Variants in PHF21A observed in about 807,000 individuals in gnomAD.
PHF21A encodes PHD finger protein 21A.
In PHF21A, 11 loss-of-function variants were observed where a neutral mutation model predicts 82.5. The ratio of observed to expected loss-of-function variants is 0.13; its 90% CI spans 0.08 to 0.22. The LOEUF (loss-of-function observed/expected upper bound fraction) is 0.22, where lower values mean the gene tolerates loss of function less well. PHF21A is among the 10% of genes least tolerant of loss of function. The probability of loss-of-function intolerance (pLI) is 1.00; values close to 1 mark genes in which losing one functional copy is unlikely to be tolerated. For missense variants in PHF21A, 579 were observed against 837.8 expected (o/e 0.69, Z 3.81); for synonymous variants, 297 against 302.8 (o/e 0.98, Z 0.20).
chr11:46,056,384 G>C (rs2096457237), intron 6 of PHF21A, among the ~76,000 whole-genome samples: 1 of 151,940 alleles, frequency 6.6e-6, no homozygotes, highest in Non-Finnish European at 1.5e-5. Context: ...ATTATGTCTG[G>C]GTTAAATATG....
At chr11:46,117,190 C>T (rs1256642158) in intron 1 of PHF21A, 2 of 152,112 alleles carry the variant, frequency 1.3e-5, no homozygotes, top group East Asian at 3.8e-4. Flanking sequence ...CAGTATTTTG[C>T]CTACAAAATA....
rs12289813 is a variant in PHF21A at position 45,958,283 on chromosome 11, A to G, written c.997-4658T>C. Among the ~76,000 whole-genome samples, 197 of 149,420 alleles carry G rather than the reference A, an allele frequency of 1.3e-3. 2 individuals are homozygous for G. Among genetic ancestry groups the G allele is most frequent in the African/African-American group, 4.7e-3 (190 of 40,654 alleles). On this transcript the variant is annotated intron_variant, in intron 10 of 18. Transcript: ENST00000676320. Reference sequence around the variant, plus strand: ...CTCTGATACCAAAGCCAAAGACACCAAAGAATAGAAAATGGGCTGGGCGTG... The same window carrying G: ...CTCTGATACCAAAGCCAAAGACACCGAAGAATAGAAAATGGGCTGGGCGTG...
intron 7 of PHF21A, among the ~76,000 whole-genome samples, chr11:45,974,412 A>C (rs2093923422): frequency 9.5e-6 from 1 of 104,786 alleles, no homozygotes; most frequent in Non-Finnish European, 1.9e-5. Flanking sequence ...AAGGTGTCAA[A>C]CGACAAATTA....
intron 6 of PHF21A, among the ~76,000 whole-genome samples, chr11:45,997,965 T>A (rs2094967150): frequency 6.6e-6 from 1 of 152,200 alleles, no homozygotes; most frequent in Admixed American, 6.5e-5. Flanking sequence ...AGGTCACCTC[T>A]GAACACTGGG....
intron 6 of PHF21A, among the ~76,000 whole-genome samples, chr11:46,065,857 T>C (rs1415807920): frequency 6.6e-6 from 1 of 152,004 alleles, no homozygotes; most frequent in Non-Finnish European, 1.5e-5. Flanking sequence ...CACAAACAAA[T>C]AGTTAAAAGA....
chr11:46,021,375 T>C (rs2095627696), intron 6 of PHF21A, among the ~76,000 whole-genome samples: 1 of 151,810 alleles, frequency 6.6e-6, no homozygotes, highest in Non-Finnish European at 1.5e-5. Context: ...AGACAGACTT[T>C]TAAAATAACC....
chr11:46,011,222 C>T (rs1230969535), intron 6 of PHF21A, among the ~76,000 whole-genome samples: 2 of 152,176 alleles, frequency 1.3e-5, no homozygotes, highest in African/African-American at 4.8e-5. Context: ...GGCATGGTGG[C>T]TCACACCTGT....
At chr11:46,040,126 G>A (rs1178827698) in intron 6 of PHF21A, among the ~76,000 whole-genome samples, 1 of 152,210 alleles carries the variant, frequency 6.6e-6, no homozygotes. Flanking sequence ...GTTACTAGAT[G>A]TGGTTTCTTC....
At chr11:46,028,904 T>A (rs896077908) in intron 6 of PHF21A, among the ~76,000 whole-genome samples, 1 of 152,224 alleles carries the variant, frequency 6.6e-6, no homozygotes, top group Non-Finnish European at 1.5e-5. Context: ...TCTAATTTTT[T>A]ATTTGCTTCA....
intron 6 of PHF21A, among the ~76,000 whole-genome samples, chr11:46,076,188 T>G (rs2096722922): frequency 6.6e-6 from 1 of 152,220 alleles, no homozygotes; most frequent in South Asian, 2.1e-4. Flanking sequence ...CAGGTGTCCT[T>G]GGAAAAAAGC....
chr11:46,115,942 T>C (rs886546368), intron 1 of PHF21A, among the ~76,000 whole-genome samples: 2 of 152,152 alleles, frequency 1.3e-5, no homozygotes, highest in African/African-American at 4.8e-5. Flanking sequence ...AGGTTTCATT[T>C]TTATCTAAAC....
At chr11:46,097,145 A>G (rs530449083) in intron 1 of PHF21A, among the ~76,000 whole-genome samples, 30 of 152,156 alleles carry the variant, frequency 2.0e-4, no homozygotes, top group African/African-American at 7.0e-4. Context: ...ACAGCCTCCT[A>G]ACTGGCCTCC....
intron 6 of PHF21A, among the ~76,000 whole-genome samples, chr11:46,030,529 G>C (rs1332366750): frequency 6.6e-6 from 1 of 152,140 alleles, no homozygotes; most frequent in African/African-American, 2.4e-5. Context: ...TCAGTCTCAA[G>C]TGTATAAATA....
At chr11:46,050,040 T>G (rs988180556) in intron 6 of PHF21A, among the ~76,000 whole-genome samples, 1 of 152,248 alleles carries the variant, frequency 6.6e-6, no homozygotes, top group Non-Finnish European at 1.5e-5. Flanking sequence ...TCTGCTCTTA[T>G]GCAATTAAAA....
In PHF21A at chr11:45,987,271, T is replaced by TATGTATGTATGTATGC. The variant is rs1216604515; in HGVS notation, c.154-7306_154-7305insGCATACATACATACAT. On this transcript the variant is annotated intron_variant, in intron 6 of 18. Transcript: ENST00000676320. ...AAATAAATGTATGTATGTATGTATG[T>TATGTATGTATGTATGC]ATGTATGTATGTAACCTGACCCATC... Among the ~76,000 whole-genome samples, 8 of 151,362 alleles carry TATGTATGTATGTATGC rather than the reference T, an allele frequency of 5.3e-5. 1 individual carries two copies. Among genetic ancestry groups the TATGTATGTATGTATGC allele is most frequent in the African/African-American group, 1.9e-4 (8 of 41,134 alleles).
intron 1 of PHF21A, among the ~76,000 whole-genome samples, chr11:46,112,331 G>A (rs948294389): frequency 3.9e-5 from 6 of 152,158 alleles, no homozygotes; most frequent in African/African-American, 1.4e-4. Flanking sequence ...TGTGAAGCGT[G>A]CTATTTTTTA....
intron 5 of PHF21A, among the ~76,000 whole-genome samples, chr11:46,077,029 TC>T (rs1162967568): frequency 6.6e-6 from 1 of 152,212 alleles, no homozygotes; most frequent in East Asian, 1.9e-4. Context: ...CAGGAGCAGC[TC>T]CTCTGCAACT....
At chr11:46,088,686 T>G (rs562229112) in intron 3 of PHF21A, among the ~76,000 whole-genome samples, 2 of 152,252 alleles carry the variant, frequency 1.3e-5, no homozygotes, top group African/African-American at 2.4e-5. Flanking sequence ...CAAAATTATA[T>G]GAAAAGCCCT....
intron 6 of PHF21A, among the ~76,000 whole-genome samples, chr11:46,016,923 T>A (rs2095528329): frequency 6.6e-6 from 1 of 151,992 alleles, no homozygotes; most frequent in African/African-American, 2.4e-5. Flanking sequence ...TGTGCCCTGA[T>A]GTGATGAAGT....
Sources: gnomAD v4.1 joint callset for allele counts (sites outside exome capture counted in the v4.1 genomes callset) on GRCh38, gnomAD v4.1.1 for gene constraint, MANE v1.5 for transcripts, NCBI Gene and HGNC (gene_info 2026-07-23, HGNC 2026-07-21) for gene names.